Variants in CEP290 observed in about 807,000 individuals in gnomAD.
The protein encoded by CEP290 is centrosomal protein 290.
Under a neutral mutation model 344.9 loss-of-function variants are expected in CEP290, and 317 were observed. That is an observed-to-expected ratio of 0.92 (90% CI 0.84 to 1.01). The LOEUF is 1.01. Ranked by LOEUF, CEP290 falls within the 50% of genes least tolerant of loss-of-function variation. CEP290 has a pLI of 0.00. For missense variants in CEP290, 2,754 were observed against 2,761.4 expected (o/e 1.00, Z 0.06); for synonymous variants, 932 against 895.8 (o/e 1.04, Z -0.72).
chr12:88,123,163 T>C (rs1281057967), intron 13 of CEP290, among the ~76,000 whole-genome samples: 1 of 152,120 alleles, frequency 6.6e-6, no homozygotes, highest in African/African-American at 2.4e-5. Flanking sequence ...AAAAATATTA[T>C]TGTTCCAGAA....
At chr12:88,068,865 AATG>A (rs777906533) in intron 43 of CEP290, among the ~76,000 whole-genome samples, 2 of 152,166 alleles carry the variant, frequency 1.3e-5, no homozygotes, top group Non-Finnish European at 2.9e-5. Context: ...GCCTCCTTTA[AATG>A]ATGAGTCAAA....
At position 88,109,142 on chromosome 12, in the gene CEP290, CT is replaced by C; in HGVS notation, c.2406del (p.Asp803IlefsTer12). ...TTTCTGTTGTAATCTTCAAGAGAAT[CT>C]TCTAAATTCTTTAACTTTTTTTCTT... ...ENKEKKLKNLEDSLEDYNRKF... is the reference protein window; with the variant it reads ...ENKEKKLKNLXDSLEDYNRKF... On this transcript the variant is annotated frameshift_variant, in exon 23 of 54. Transcript: ENST00000552810. LOFTEE classifies it high-confidence loss of function. 1 of 1,425,832 alleles carries C rather than the reference CT, an allele frequency of 7.0e-7. No individual in the cohort carries two copies. The highest frequency in any genetic ancestry group is 9.4e-7 in the Non-Finnish European group (1 of 1,063,726). 88.3% of individuals were successfully genotyped at this position (1,425,832 alleles called of 1,614,324 possible).
chr12:88,062,935 G>A (rs367980361), intron 45 of CEP290, among the ~76,000 whole-genome samples, 157 bp from the exon 46 acceptor site: 20 of 152,034 alleles, frequency 1.3e-4, no homozygotes, highest in African/African-American at 4.6e-4. Context: ...GAACTAAGAC[G>A]TTAAATTAAT....
chr12:88,115,143 CTCTT>C lies in CEP290; in HGVS notation c.1860_1863del (p.Arg621IlefsTer2), dbSNP rs766608755. Reference sequence around the variant, plus strand: ...ATCACTGTCCTACTCCTTTCTAAATCTCTTTCTTTTTCAATTAGTTCTCTTGAAA... The same window carrying C: ...ATCACTGTCCTACTCCTTTCTAAATCTCTTTTTCAATTAGTTCTCTTGAAA... On this transcript the variant is annotated frameshift_variant, in exon 19 of 54. Transcript: ENST00000552810. LOFTEE classifies it high-confidence loss of function. 2.0e-6 allele frequency: 3 copies of C among 1,499,672 alleles called. No homozygotes were observed. Among genetic ancestry groups the C allele is most frequent in the Admixed American group, 2.0e-5 (1 of 50,316 alleles). 92.9% of individuals were successfully genotyped at this position (1,499,672 alleles called of 1,614,324 possible).
intron 39 of CEP290, 66 bp from the exon 40 acceptor site, chr12:88,077,984 T>A (rs181738053): frequency 2.9e-6 from 2 of 695,876 alleles, no homozygotes. Flanking sequence ...AAAAGGAACA[T>A]AAAACAGAAA....
In CEP290 at chr12:88,080,176, A is replaced by C. The variant is rs772322005; in HGVS notation, c.5226+6T>G. 4 of 1,568,524 alleles carry C rather than the reference A, an allele frequency of 2.6e-6. No individual in the cohort carries two copies. In the Admixed American group the frequency reaches 7.4e-5, roughly 29 times the overall value. ...TAAATGTTGATAATTTTCTGTTGTT[A>C]CTTACTTTCTGTTGTTTCTCCTTCA... On this transcript the variant is annotated splice_donor_region_variant and intron_variant, in intron 38 of 53. Transcript: ENST00000552810.
At chr12:88,097,039 A>G in intron 26 of CEP290, 40 bp from the exon 27 acceptor site, 1 of 946,886 alleles carries the variant, frequency 1.1e-6, no homozygotes, top group Non-Finnish European at 1.6e-6. Context: ...CTACATTGTA[A>G]TTCAGACCAA....
chr12:88,089,122 A>G lies in CEP290; in HGVS notation c.3939T>C (p.Asn1313=). 6.3e-7 allele frequency: 1 copy of G among 1,587,144 alleles called. No homozygotes were observed. Among genetic ancestry groups the G allele is most frequent in the Non-Finnish European group, 8.6e-7 (1 of 1,168,502 alleles). The change falls in exon 31 of 54, where the codon AAT becomes AAC. Residue 1313 remains asparagine (N), a synonymous_variant. Coordinates refer to ENST00000552810, the MANE Select transcript of CEP290 (RefSeq NM_025114.4). ...CCATCTCCAATGTTTTGTTCTCCAT[A>G]TTTCTATGTTCTTGTTGAGAATTTT... ...EMKNSQQEHR[N]MENKTLEMEL... is the part of the protein sequence containing the mutation.
Position 88,068,607 on chromosome 12 carries a change from T to C in CEP290, c.6050A>G (p.Asp2017Gly), listed in dbSNP as rs2035124550. 5.0e-6 allele frequency: 8 copies of C among 1,594,528 alleles called. No individual in the cohort carries two copies. The East Asian group carries it at 1.4e-4, about 27-fold the overall frequency. Residue 2017 changes from aspartate to glycine, a missense_variant, in exon 44 of 54, where the codon GAT becomes GGT. Asp to Gly is a moderately conservative substitution (Grantham distance 94). Transcript: ENST00000552810. ...QALPRDSVVE[D>G]LHLQNRYLQE... ...GAGGTATCTATTTTGTAAATGTAAA[T>C]CTTCTACAACAGAATCTCGAGGAAG... is the stretch of plus-strand genomic sequence containing the variant.
rs573676114 is a variant in CEP290, at chr12:88,106,655, A to G, written c.2817+20T>C. 2 of 1,555,210 alleles carry G rather than the reference A, an allele frequency of 1.3e-6. No individual in the cohort carries two copies. Among genetic ancestry groups the G allele is most frequent in the South Asian group, 2.4e-5 (2 of 83,786 alleles). ...GAAATTTTTCATAGTCAGAAAAAGC[A>G]AAATAAGAATCAGATGTACCTTAAA... On this transcript the variant is annotated intron_variant, in intron 25 of 53. Coordinates refer to ENST00000552810, the MANE Select transcript of CEP290 (RefSeq NM_025114.4).
intron 41 of CEP290, among the ~76,000 whole-genome samples, chr12:88,072,257 A>G (rs974113344): frequency 7.2e-5 from 11 of 152,160 alleles, no homozygotes; most frequent in Non-Finnish European, 1.6e-4. Context: ...GTATTATACA[A>G]TATTTTTTAA....
chr12:88,050,192 A>C, intron 53 of CEP290, 162 bp downstream of exon 53: 1 of 509,642 alleles, frequency 2.0e-6, no homozygotes, highest in Admixed American at 4.1e-5. Context: ...TAACTCTAAT[A>C]TGTTAGGAAT....
At chr12:88,106,078 G>A (rs2038254983) in intron 25 of CEP290, among the ~76,000 whole-genome samples, 1 of 152,128 alleles carries the variant, frequency 6.6e-6, no homozygotes, top group Non-Finnish European at 1.5e-5. Context: ...CCTTAACAGA[G>A]TAATCAATTA....
rs1243808714 is a variant in CEP290, at chr12:88,109,164, T to A, written c.2385A>T (p.Glu795Asp). The change falls in exon 23 of 54, where the codon GAA (glutamate) becomes GAT (aspartate). Residue 795 changes from glutamate (E) to aspartate (D), a missense_variant. Glu to Asp is a conservative substitution (Grantham distance 45, BLOSUM62 2). Coordinates refer to ENST00000552810, the MANE Select transcript of CEP290 (RefSeq NM_025114.4). ...AATCTTCTAAATTCTTTAACTTTTTTTCTTTATTTTCTAGTTCCTGAAAAG... is the reference window on the plus strand; with the variant it reads ...AATCTTCTAAATTCTTTAACTTTTTATCTTTATTTTCTAGTTCCTGAAAAG... ...IHLLQELENK[E>D]KKLKNLEDSL... The A allele has an allele frequency of 8.0e-7, 1 of 1,255,232 alleles. No homozygotes were observed. Among genetic ancestry groups the A allele is most frequent in the Non-Finnish European group, 1.1e-6 (1 of 913,832 alleles). The allele number at this position is 1,255,232 out of a possible 1,614,324, so 77.8% of individuals were successfully genotyped here.
At chr12:88,124,655 T>C (rs1247377179) in intron 13 of CEP290, among the ~76,000 whole-genome samples, 1 of 152,096 alleles carries the variant, frequency 6.6e-6, no homozygotes, top group Non-Finnish European at 1.5e-5. Context: ...TGTATACATA[T>C]ATACATAGTC....
At chr12:88,051,541 G>T (rs2033532493) in intron 52 of CEP290, among the ~76,000 whole-genome samples, 1 of 152,120 alleles carries the variant, frequency 6.6e-6, no homozygotes, top group East Asian at 1.9e-4. Context: ...CATTTATATA[G>T]ACAGTGATTT....
intron 26 of CEP290, among the ~76,000 whole-genome samples, chr12:88,100,262 T>A (rs2037773638): frequency 6.6e-6 from 1 of 151,734 alleles, no homozygotes; most frequent in Non-Finnish European, 1.5e-5. Flanking sequence ...ACAGTGAGAC[T>A]CTGTTTCAAA....
At chr12:88,060,712 A>G in intron 47 of CEP290, 118 bp downstream of exon 47, 4 of 686,844 alleles carry the variant, frequency 5.8e-6, no homozygotes, top group Non-Finnish European at 9.2e-6. Context: ...ATATTTATAA[A>G]ATATGTATTG....
chr12:88,113,945 C>A (rs2038880097), intron 20 of CEP290, among the ~76,000 whole-genome samples: 1 of 151,796 alleles, frequency 6.6e-6, no homozygotes, highest in Admixed American at 6.6e-5. Context: ...GGGAAAAAAC[C>A]CCTCAAATAC....
Sources: allele counts gnomAD v4.1 joint callset (sites outside exome capture counted in the v4.1 genomes callset), GRCh38; gene constraint gnomAD v4.1.1; transcripts MANE v1.5; gene names NCBI Gene and HGNC (gene_info 2026-07-23, HGNC 2026-07-21).